Variants in ESYT2 observed in about 807,000 individuals in gnomAD.
ESYT2 encodes extended synaptotagmin 2, also known as extended synaptotagmin-2.
A neutral mutation model predicts 107.2 loss-of-function variants in ESYT2; 54 were observed. That is an observed-to-expected ratio of 0.50 (90% CI 0.40 to 0.63). The LOEUF (loss-of-function observed/expected upper bound fraction) is 0.63, where lower values mean the gene tolerates loss of function less well. ESYT2 is among the 30% of genes least tolerant of loss of function. The pLI, the probability that ESYT2 is intolerant of heterozygous loss-of-function variation, is 0.00. For synonymous variants in ESYT2, 491 were observed against 434.1 expected (o/e 1.13, Z -1.63); for missense variants, 1,020 against 1,094.5 (o/e 0.93, Z 0.96).
intron 1 of ESYT2, among the ~76,000 whole-genome samples, chr7:158,804,420 A>G (rs113177173): frequency 0.011 from 1,287 of 121,082 alleles, 40 homozygotes; most frequent in Middle Eastern, 0.016. Context: ...AAAGTGAGGC[A>G]CGTGACAAAC....
intron 9 of ESYT2, among the ~76,000 whole-genome samples, chr7:158,764,019 T>C (rs574207156): frequency 2.4e-4 from 37 of 152,114 alleles, no homozygotes; most frequent in Non-Finnish European, 5.0e-4. Context: ...CTTTAAAAAC[T>C]GGTGGAGTAT....
intron 1 of ESYT2, among the ~76,000 whole-genome samples, chr7:158,801,162 C>T (rs1839632584): frequency 6.6e-6 from 1 of 152,218 alleles, no homozygotes; most frequent in African/African-American, 2.4e-5. Context: ...GGAGGAGCTG[C>T]CTGTAGTGCC....
Position 158,815,881 on chromosome 7 carries a change from G to C in ESYT2, c.330+13208C>G, listed in dbSNP as rs191208399. 6.6e-5 allele frequency among the ~76,000 whole-genome samples: 10 copies of C among 152,314 alleles called. No individual in the cohort carries two copies. In the East Asian group the frequency reaches 1.5e-3, roughly 24 times the overall value. ...TGATACACCCTTGTAAAATAAATCT[G>C]ATTTCTGAGATGTTACGGCACGGGG... is the stretch of plus-strand genomic sequence containing the variant. On this transcript the variant is annotated intron_variant, in intron 1 of 22. Transcript: ENST00000275418.
At chr7:158,804,865 A>G (rs1839779937) in intron 1 of ESYT2, among the ~76,000 whole-genome samples, 1 of 152,358 alleles carries the variant, frequency 6.6e-6, no homozygotes, top group Non-Finnish European at 1.5e-5. Context: ...GGCCTCATTC[A>G]GTGCTTTCCA....
At chr7:158,811,263 C>A (rs1456740126) in intron 1 of ESYT2, among the ~76,000 whole-genome samples, 1 of 152,196 alleles carries the variant, frequency 6.6e-6, no homozygotes, top group East Asian at 1.9e-4. Flanking sequence ...TAATTAGATA[C>A]TTCCCCAAAT....
rs533136974 is a variant in ESYT2 at position 158,733,366 on chromosome 7, T to C, written c.*841A>G. The C allele has an allele frequency of 9.8e-5, 15 of 152,350 alleles. No homozygotes were observed. The highest frequency in any genetic ancestry group is 2.6e-4 in the African/African-American group (11 of 41,588). The allele number at this position is 152,350 out of a possible 1,614,324, so 9.4% of individuals were successfully genotyped here. A position where few individuals can be genotyped will look rare whatever the true frequency, so the allele number is the denominator to read the frequency against. On this transcript the variant is annotated 3_prime_UTR_variant, in exon 23 of 23. Coordinates refer to ENST00000275418, the MANE Select transcript of ESYT2 (RefSeq NM_001367773.1). ...TTTGACAACAGCTTAATTGCTAACA[T>C]TGAAAGTCTGCTCTTACAGTTGAGG...
intron 1 of ESYT2, among the ~76,000 whole-genome samples, chr7:158,807,206 G>A (rs1348486906): frequency 1.5e-5 from 2 of 133,914 alleles, no homozygotes; most frequent in Admixed American, 1.7e-4. Flanking sequence ...AGCCGATATC[G>A]CACCACTGCA....
At chr7:158,829,061 G>A (rs749540214) in intron 1 of ESYT2, 28 bp downstream of exon 1, 31 of 1,567,738 alleles carry the variant, frequency 2.0e-5, no homozygotes, top group Admixed American at 1.2e-4. Flanking sequence ...GTGGTCAGGG[G>A]TCGGGACGGG....
chr7:158,769,699 G>A (rs1403430531), intron 7 of ESYT2, among the ~76,000 whole-genome samples: 2 of 151,950 alleles, frequency 1.3e-5, no homozygotes, highest in Non-Finnish European at 2.9e-5. Flanking sequence ...CCCTTCTTAC[G>A]ACTTCAACAC....
chr7:158,814,467 T>C (rs1840096777), intron 1 of ESYT2, among the ~76,000 whole-genome samples: 1 of 151,800 alleles, frequency 6.6e-6, no homozygotes, highest in African/African-American at 2.4e-5. Flanking sequence ...ACATTACTCG[T>C]CCCGATTACC....
chr7:158,787,731 G>A (rs1245619781), intron 6 of ESYT2, among the ~76,000 whole-genome samples: 1 of 152,204 alleles, frequency 6.6e-6, no homozygotes, highest in African/African-American at 2.4e-5. Context: ...GTGAGGTGGT[G>A]AATAAAATGT....
At chr7:158,763,833 T>G (rs1333224151) in intron 9 of ESYT2, among the ~76,000 whole-genome samples, 1 of 152,168 alleles carries the variant, frequency 6.6e-6, no homozygotes, top group Non-Finnish European at 1.5e-5. Context: ...CCTCTAGTCC[T>G]GAAGTGGCTC....
chr7:158,821,969 C>T (rs192721802), intron 1 of ESYT2, among the ~76,000 whole-genome samples: 7 of 152,228 alleles, frequency 4.6e-5, no homozygotes, highest in Admixed American at 2.6e-4. Flanking sequence ...TCTGAGCCAC[C>T]GTGACACTGG....
In ESYT2 at chr7:158,788,187, G is replaced by C; in HGVS notation, c.658-94C>G. 3.3e-6 allele frequency: 4 copies of C among 1,221,720 alleles called. 1 individual carries two copies. Among genetic ancestry groups the C allele is most frequent in the Non-Finnish European group, 4.8e-6 (4 of 838,756 alleles). The allele number at this position is 1,221,720 out of a possible 1,614,324, so 75.7% of individuals were successfully genotyped here. Reference sequence around the variant, plus strand: ...TTGCATGCGAATCTTAGTAACTTTTGAGCATGTGACTTCTTATTTATCTCA... The same window carrying C: ...TTGCATGCGAATCTTAGTAACTTTTCAGCATGTGACTTCTTATTTATCTCA... On this transcript the variant is annotated intron_variant, in intron 5 of 22. Coordinates refer to ENST00000275418, the MANE Select transcript of ESYT2 (RefSeq NM_001367773.1).
intron 1 of ESYT2, among the ~76,000 whole-genome samples, chr7:158,805,387 A>G (rs971315222): frequency 3.9e-5 from 6 of 152,246 alleles, no homozygotes; most frequent in Non-Finnish European, 8.8e-5. Flanking sequence ...AGTTGCTTCT[A>G]CAAAGAAAGT....
intron 11 of ESYT2, 25 bp downstream of exon 11, chr7:158,761,471 A>G: frequency 2.5e-6 from 4 of 1,613,182 alleles, no homozygotes; most frequent in Non-Finnish European, 3.4e-6. Flanking sequence ...AATTGTAAAC[A>G]GACCCACACT....
chr7:158,794,423 G>C (rs1227767070), intron 3 of ESYT2, among the ~76,000 whole-genome samples: 1 of 152,242 alleles, frequency 6.6e-6, no homozygotes, highest in Non-Finnish European at 1.5e-5. Context: ...GAGCACAGGA[G>C]TTTGAGGCTG....
intron 3 of ESYT2, 82 bp from the exon 4 acceptor site, chr7:158,793,808 G>T: frequency 9.2e-7 from 1 of 1,091,992 alleles, no homozygotes. Context: ...GAGACAAACA[G>T]AACAAGCTTT....
chr7:158,781,451 A>G (rs906421255), intron 6 of ESYT2, among the ~76,000 whole-genome samples: 22 of 150,860 alleles, frequency 1.5e-4, no homozygotes, highest in African/African-American at 5.1e-4. Flanking sequence ...TGAACAAGTG[A>G]TTGTGAGAAC....
Sources: allele counts gnomAD v4.1 joint callset (sites outside exome capture counted in the v4.1 genomes callset), GRCh38; gene constraint gnomAD v4.1.1; transcripts MANE v1.5; gene names NCBI Gene and HGNC (gene_info 2026-07-23, HGNC 2026-07-21).